Variants in AIRE observed in about 807,000 individuals in gnomAD.
AIRE encodes the protein autoimmune polyendocrinopathy candidiasis ectodermal dystrophy protein.
Under a neutral mutation model 62.1 loss-of-function variants are expected in AIRE, and 52 were observed. The ratio of observed to expected loss-of-function variants is 0.84; its 90% CI spans 0.67 to 1.06. AIRE has a LOEUF of 1.06. Among genes scored for constraint, AIRE ranks in the 50% least tolerant of loss-of-function variants. The probability of loss-of-function intolerance (pLI) is 0.00; values close to 1 mark genes in which losing one functional copy is unlikely to be tolerated. For missense variants in AIRE, 774 were observed against 755.8 expected (o/e 1.02, Z -0.28); for synonymous variants, 342 against 321.6 (o/e 1.06, Z -0.68).
chr21:44,286,788 T>C lies in AIRE; in HGVS notation c.307+57T>C. 6.3e-7 allele frequency: 1 copy of C among 1,597,374 alleles called. No individual in the cohort carries two copies. On this transcript the variant is annotated intron_variant, in intron 2 of 13. Coordinates refer to ENST00000291582, the MANE Select transcript of AIRE (RefSeq NM_000383.4). The surrounding 1 kb of genome is among the most constrained non-coding windows in gnomAD (Gnocchi z 6.0). ...GCCTGGGGCAGCTGCTGTCACCTGCTCAGCCCAGCTGGACTGGAACCGGAG... is the reference window on the plus strand; with the variant it reads ...GCCTGGGGCAGCTGCTGTCACCTGCCCAGCCCAGCTGGACTGGAACCGGAG...
intron 13 of AIRE, among the ~76,000 whole-genome samples, chr21:44,296,892 C>T (rs767835622): frequency 6.6e-6 from 1 of 152,156 alleles, no homozygotes; most frequent in Non-Finnish European, 1.5e-5. Flanking sequence ...GGCCTCTCTA[C>T]GCTAAGATGG....
intron 10 of AIRE, 110 bp downstream of exon 10, chr21:44,293,285 G>A (rs898292794): frequency 3.5e-5 from 40 of 1,148,486 alleles, no homozygotes; most frequent in East Asian, 5.2e-5. Context: ...GAAAGGCTCC[G>A]GGAGGCACAG....
intron 12 of AIRE, among the ~76,000 whole-genome samples, chr21:44,295,564 C>T (rs572483548): frequency 3.3e-5 from 5 of 152,344 alleles, no homozygotes; most frequent in South Asian, 2.1e-4. Flanking sequence ...GCTCCCGCAG[C>T]GGGTACCTCG....
chr21:44,293,208 T>G, intron 10 of AIRE, 33 bp downstream of exon 10: 2 of 1,520,268 alleles, frequency 1.3e-6, no homozygotes, highest in Non-Finnish European at 1.8e-6. Context: ...GGTGGGCTCT[T>G]CAAGGAGCCC....
chr21:44,290,414 G>A (rs545042010), intron 7 of AIRE: 42 of 985,324 alleles, frequency 4.3e-5, no homozygotes, highest in East Asian at 2.3e-4. Flanking sequence ...CTCATCTTTC[G>A]TCCCCAGCAT....
Position 44,286,527 on chromosome 21 carries a change from G to T in AIRE, c.133-30G>T. Reference sequence around the variant, plus strand: ...CAGGCCGCAGGGTGTGGGGGACCATGGCAGGGACCCTCATGCCACCCCACT... The same window carrying T: ...CAGGCCGCAGGGTGTGGGGGACCATTGCAGGGACCCTCATGCCACCCCACT... On this transcript the variant is annotated intron_variant, in intron 1 of 13. Coordinates refer to ENST00000291582, the MANE Select transcript of AIRE (RefSeq NM_000383.4). This position sits in a 1 kb window ranked among gnomAD's most constrained non-coding sequence, Gnocchi z 6.0. 1 of 1,598,270 alleles carries T rather than the reference G, an allele frequency of 6.3e-7. No homozygotes were observed. The highest frequency in any genetic ancestry group is 1.1e-5 in the South Asian group (1 of 90,028).
At chr21:44,293,285 G>C in intron 10 of AIRE, 110 bp downstream of exon 10, 1 of 1,148,606 alleles carries the variant, frequency 8.7e-7, no homozygotes, top group South Asian at 1.6e-5. Context: ...GAAAGGCTCC[G>C]GGAGGCACAG....
In AIRE at chr21:44,294,497, T is replaced by G. The variant is rs926723773; in HGVS notation, c.1497T>G (p.Pro499=). The G allele has an allele frequency of 6.7e-7, 1 of 1,497,132 alleles. No homozygotes were observed. The highest frequency in any genetic ancestry group is 2.4e-5 in the East Asian group (1 of 41,020). 92.7% of individuals were successfully genotyped at this position (1,497,132 alleles called of 1,614,324 possible). ...APSPARLAPG[P]AKDDTASHEP... is the part of the protein sequence containing the mutation. ...GCCCCGCCCGCCTGGCCCCTGGGCC[T>G]GCCAAGGTCAGTGCCGCAGGGGCCC... The change falls in exon 12 of 14, where the codon CCT becomes CCG. Residue 499 remains proline, a synonymous_variant. Transcript: ENST00000291582.
In AIRE at chr21:44,287,135, T is replaced by C. The variant is rs786204478; in HGVS notation, c.463+2T>C. On this transcript the variant is annotated splice_donor_variant, in intron 3 of 13. Coordinates refer to ENST00000291582, the MANE Select transcript of AIRE (RefSeq NM_000383.4). LOFTEE classifies it high-confidence loss of function. The surrounding 1 kb of genome is among the most constrained non-coding windows in gnomAD (Gnocchi z 4.3). ...CTCCAAGGGGCACCGCCAGCCCAGGTACCCTCCCTGCAGGGGAAGCCAGCC... is the reference window on the plus strand; with the variant it reads ...CTCCAAGGGGCACCGCCAGCCCAGGCACCCTCCCTGCAGGGGAAGCCAGCC... 9.9e-6 allele frequency: 16 copies of C among 1,611,822 alleles called. No individual in the cohort carries two copies. Among genetic ancestry groups the C allele is most frequent in the East Asian group, 2.2e-5 (1 of 44,840 alleles).
chr21:44,290,576 G>T (rs73907157), intron 7 of AIRE: 8 of 715,300 alleles, frequency 1.1e-5, no homozygotes, highest in Non-Finnish European at 1.4e-5. Flanking sequence ...GCTGGTGGGC[G>T]TCTGGGGGAT....
rs1305059102 is a variant in AIRE at position 44,287,883 on chromosome 21, T to C, written c.538+292T>C. On this transcript the variant is annotated intron_variant, in intron 4 of 13. Coordinates refer to ENST00000291582, the MANE Select transcript of AIRE (RefSeq NM_000383.4). This position sits in a 1 kb window ranked among gnomAD's most constrained non-coding sequence, Gnocchi z 4.3. ...CTATCCTTCAGGACCAGCCTAGACA[T>C]AGCTTCCTCCAGAAAATCATCCCTG... 6.6e-6 allele frequency among the ~76,000 whole-genome samples: 1 copy of C among 152,036 alleles called. No individual in the cohort carries two copies. Among genetic ancestry groups the C allele is most frequent in the African/African-American group, 2.4e-5 (1 of 41,382 alleles).
At chr21:44,288,965 C>T (rs1003853) in intron 5 of AIRE, 35,633 of 169,062 alleles carry the variant, frequency 0.21, 4,372 homozygotes, top group East Asian at 0.26. Context: ...GCAGACCCAC[C>T]GTGCCATCGG....
At position 44,292,356 on chromosome 21, in the gene AIRE, C is replaced by T. The variant is rs1412393185; in HGVS notation, c.1050C>T (p.Pro350=). The T allele has an allele frequency of 6.4e-7, 1 of 1,572,888 alleles. No individual in the cohort carries two copies. The highest frequency in any genetic ancestry group is 1.2e-5 in the South Asian group (1 of 85,670). Residue 350 remains proline, a synonymous_variant, in exon 9 of 14, where the codon CCC becomes CCT. Coordinates refer to ENST00000291582, the MANE Select transcript of AIRE (RefSeq NM_000383.4). ...CLQATVQEVQ[P]RAEEPRPQEP... ...AGGCAACAGTCCAGGAGGTGCAGCC[C>T]CGGGCAGAGGAGCCCCGGCCCCAGG...
At position 44,287,417 on chromosome 21, in the gene AIRE, T is replaced by A; in HGVS notation, c.464-100T>A. On this transcript the variant is annotated intron_variant, in intron 3 of 13. Coordinates refer to ENST00000291582, the MANE Select transcript of AIRE (RefSeq NM_000383.4). The surrounding 1 kb of genome is among the most constrained non-coding windows in gnomAD (Gnocchi z 4.3). The stretch of plus-strand genomic sequence containing the variant: ...GCCCGGCAAAGGGACTACCCAGCAC[T>A]GGACCGCCCCCTCCACGCCCTCCCA... 1.2e-6 allele frequency: 1 copy of A among 850,362 alleles called. No homozygotes were observed. The allele number at this position is 850,362 out of a possible 1,614,324, so 52.7% of individuals were successfully genotyped here. A position where few individuals can be genotyped will look rare whatever the true frequency, so the allele number is the denominator to read the frequency against.
At position 44,285,996 on chromosome 21, in the gene AIRE, G is replaced by GT; in HGVS notation, c.-11_-10insT. The GT allele has an allele frequency of 6.6e-7, 1 of 1,526,688 alleles. No individual in the cohort carries two copies. Among genetic ancestry groups the GT allele is most frequent in the African/African-American group, 1.4e-5 (1 of 72,180 alleles). The allele number at this position is 1,526,688 out of a possible 1,614,324, so 94.6% of individuals were successfully genotyped here. ...GCGTCCGCCCCAGCCCCGGGTCCCCGCGCCCACCCCATGGCGACGGACGCG... is the reference window on the plus strand; with the variant it reads ...GCGTCCGCCCCAGCCCCGGGTCCCCGTCGCCCACCCCATGGCGACGGACGCG... On this transcript the variant is annotated 5_prime_UTR_variant, in exon 1 of 14. Coordinates refer to ENST00000291582, the MANE Select transcript of AIRE (RefSeq NM_000383.4).
intron 10 of AIRE, 55 bp downstream of exon 10, chr21:44,293,230 G>A: frequency 3.4e-6 from 5 of 1,461,758 alleles, no homozygotes; most frequent in Non-Finnish European, 4.5e-6. Context: ...GGACCTACGG[G>A]GCGGATGAAT....
intron 6 of AIRE, 29 bp from the exon 7 acceptor site, chr21:44,289,959 C>G: frequency 4.4e-6 from 7 of 1,607,388 alleles, no homozygotes; most frequent in Non-Finnish European, 5.9e-6. Flanking sequence ...TGAGGCTGCC[C>G]CCATTGCTGA....
chr21:44,293,795 G>T lies in AIRE; in HGVS notation c.1285G>T (p.Ala429Ser), dbSNP rs763544499. ...CVGPEGQQNLAPGARCGVCGD... is the reference protein window; with the variant it reads ...CVGPEGQQNLSPGARCGVCGD... ...GCGCTGTTGCCTCCCACAGAACCTG[G>T]CTCCTGGTGCGCGTTGCGGGGTGTG... Residue 429 changes from alanine (A) to serine (S), a missense_variant, in exon 11 of 14, where the codon GCT (alanine) becomes TCT (serine). This residue lies in a region of AIRE where 354 missense variants were observed against 296.1 expected (regional missense o/e 1.20). Transcript: ENST00000291582. 3.8e-6 allele frequency: 6 copies of T among 1,596,340 alleles called. No individual in the cohort carries two copies. Among genetic ancestry groups the T allele is most frequent in the Non-Finnish European group, 5.1e-6 (6 of 1,179,488 alleles).
At chr21:44,288,574 G>T (rs943362441) in intron 5 of AIRE, 116 bp downstream of exon 5, 4 of 739,240 alleles carry the variant, frequency 5.4e-6, no homozygotes, top group South Asian at 5.3e-5. Flanking sequence ...TGTTGCTCAG[G>T]TAGCCAGAGT....
Sources: gnomAD v4.1 joint callset for allele counts (sites outside exome capture counted in the v4.1 genomes callset) on GRCh38, gnomAD v4.1.1 for gene constraint, gnomAD v4.1.1 regional missense constraint, Gnocchi (gnomAD v3.1) non-coding constraint, MANE v1.5 for transcripts, NCBI Gene and HGNC (gene_info 2026-07-23, HGNC 2026-07-21) for gene names.